RIOK3: variants seen among roughly 807,000 people sequenced by gnomAD.
RIOK3 encodes the protein RIO kinase 3.
RIOK3 carries 40 observed loss-of-function variants against 63.5 expected under a neutral mutation model. The ratio of observed to expected loss-of-function variants is 0.63; its 90% confidence interval spans 0.49 to 0.82. The LOEUF (loss-of-function observed/expected upper bound fraction) is 0.82. RIOK3 is among the 40% of genes least tolerant of loss of function. The probability of loss-of-function intolerance (pLI) is 0.00; values close to 1 mark genes in which losing one functional copy is unlikely to be tolerated. For synonymous variants in RIOK3, 193 were observed against 205.0 expected, an observed-to-expected ratio of 0.94 and a Z score of 0.50; for missense variants, 557 against 637.0, an observed-to-expected ratio of 0.87 and a Z score of 1.35.
intron 1 of RIOK3, among the ~76,000 whole-genome samples, chr18:23,455,864 C>T (rs894510033): frequency 6.6e-5 from 10 of 152,194 alleles, no homozygotes; most frequent in Admixed American, 3.3e-4. Context: ...GTGGCATGAT[C>T]TCAGCTCACT....
chr18:23,482,386 TG>T lies in RIOK3; in HGVS notation c.*1108del, dbSNP rs1396645660. On this transcript the variant is annotated 3_prime_UTR_variant, in exon 13 of 13. Coordinates refer to ENST00000339486, the MANE Select transcript of RIOK3 (RefSeq NM_003831.5). ...TTAGCCGGGTGTGGTGGCACTTCTCTGTAATCTCAGCTTCTCAGGAGGCTGA... is the reference window on the plus strand; with the variant it reads ...TTAGCCGGGTGTGGTGGCACTTCTCTTAATCTCAGCTTCTCAGGAGGCTGA... 3.9e-5 allele frequency: 6 copies of T among 152,260 alleles called. No individual in the cohort carries two copies. Among genetic ancestry groups the T allele is most frequent in the Non-Finnish European group, 5.9e-5 (4 of 68,130 alleles). The allele number at this position is 152,260 out of a possible 1,614,324, so 9.4% of individuals were successfully genotyped here.
At chr18:23,467,332 A>G in intron 6 of RIOK3, 67 bp from the exon 7 acceptor site, 1 of 1,501,260 alleles carries the variant, frequency 6.7e-7, no homozygotes, top group Non-Finnish European at 9.1e-7. Flanking sequence ...AAAAGTTATT[A>G]GAAGTGGCTC....
chr18:23,468,074 G>A (rs1055266172), intron 7 of RIOK3, among the ~76,000 whole-genome samples: 3 of 152,062 alleles, frequency 2.0e-5, no homozygotes, highest in East Asian at 1.9e-4. Flanking sequence ...CACTGCTTCC[G>A]GGCTTCCTCA....
chr18:23,476,859 C>T (rs777495769), intron 9 of RIOK3, 147 bp from the exon 10 acceptor site: 22 of 600,770 alleles, frequency 3.7e-5, no homozygotes, highest in Non-Finnish European at 5.8e-5. Flanking sequence ...TTGCAGTGAG[C>T]TGAGATCACA....
Position 23,479,229 on chromosome 18 carries a change from CTT to C in RIOK3, c.1345-84_1345-83del. The C allele has an allele frequency of 5.0e-6, 4 of 797,864 alleles. No individual in the cohort carries two copies. In the South Asian group the frequency reaches 5.8e-5, roughly 12 times the overall value. The allele number at this position is 797,864 out of a possible 1,614,324, so 49.4% of individuals were successfully genotyped here. A position where few individuals can be genotyped will look rare whatever the true frequency, so the allele number is the denominator to read the frequency against. ...TGTGCACACGTGCATGCATCCAAGT[CTT>C]TTTATAAATGTGCTGCTCCCTGTTT... On this transcript the variant is annotated intron_variant, in intron 11 of 12. Transcript: ENST00000339486.
At position 23,453,324 on chromosome 18, in the gene RIOK3, C is replaced by T. The variant is rs1043677203; in HGVS notation, c.-116C>T. The T allele has an allele frequency of 2.4e-6, 2 of 848,482 alleles. No homozygotes were observed. The highest frequency in any genetic ancestry group is 1.4e-5 in the South Asian group (1 of 72,192). 52.6% of individuals were successfully genotyped at this position (848,482 alleles called of 1,614,324 possible). On this transcript the variant is annotated 5_prime_UTR_variant, in exon 1 of 13. Transcript: ENST00000339486. ...GGCCGCCGCCGTCGCCGCCATCTGT[C>T]ACCTCCACTCCGGCATCAGCAGCCA...
chr18:23,465,823 C>G (rs922792723), intron 5 of RIOK3, among the ~76,000 whole-genome samples: 1 of 152,182 alleles, frequency 6.6e-6, no homozygotes, highest in South Asian at 2.1e-4. Flanking sequence ...GTAGCCTTCA[C>G]AGTTCAATAT....
intron 8 of RIOK3, among the ~76,000 whole-genome samples, chr18:23,474,745 G>A: frequency 6.6e-6 from 1 of 152,270 alleles, no homozygotes; most frequent in East Asian, 1.9e-4. Flanking sequence ...GTGCGTAATT[G>A]TAATTGTCTC....
chr18:23,474,043 C>T (rs1335369656), intron 8 of RIOK3, among the ~76,000 whole-genome samples: 1 of 152,104 alleles, frequency 6.6e-6, no homozygotes, highest in Non-Finnish European at 1.5e-5. Context: ...TCTGAATTTT[C>T]TAAGCAATTT....
At chr18:23,479,474 T>C (rs767167466) in intron 12 of RIOK3, 50 bp downstream of exon 12, 16 of 1,069,528 alleles carry the variant, frequency 1.5e-5, no homozygotes, top group Non-Finnish European at 1.6e-5. Flanking sequence ...CAGAACTGCA[T>C]AGAGGAGATA....
intron 8 of RIOK3, among the ~76,000 whole-genome samples, chr18:23,474,688 A>G (rs1430316091): frequency 6.6e-6 from 1 of 152,120 alleles, no homozygotes; most frequent in Non-Finnish European, 1.5e-5. Flanking sequence ...CTAATAAGCC[A>G]TCCTTGGTGC....
At chr18:23,463,720 T>C (rs1013475181) in intron 2 of RIOK3, among the ~76,000 whole-genome samples, 2 of 152,172 alleles carry the variant, frequency 1.3e-5, no homozygotes, top group Non-Finnish European at 2.9e-5. Flanking sequence ...CATACTTTCA[T>C]TCAGAACAAA....
rs1001261897 is a variant in RIOK3, at chr18:23,453,364, G to C, written c.-76G>C. On this transcript the variant is annotated 5_prime_UTR_variant, in exon 1 of 13. Coordinates refer to ENST00000339486, the MANE Select transcript of RIOK3 (RefSeq NM_003831.5). ...ATCAGCAGCCAGTCGCCCGTGTCCCGCCTGTCTCCTCGGCGGAGCCTGCTG... is the reference window on the plus strand; with the variant it reads ...ATCAGCAGCCAGTCGCCCGTGTCCCCCCTGTCTCCTCGGCGGAGCCTGCTG... 4.0e-6 allele frequency: 5 copies of C among 1,243,050 alleles called. No homozygotes were observed. Among genetic ancestry groups the C allele is most frequent in the Non-Finnish European group, 3.5e-6 (3 of 847,082 alleles). The allele number at this position is 1,243,050 out of a possible 1,614,324, so 77.0% of individuals were successfully genotyped here.
At chr18:23,476,056 GGATTACTGGTGT>G (rs2057488732) in intron 9 of RIOK3, among the ~76,000 whole-genome samples, 1 of 151,024 alleles carries the variant, frequency 6.6e-6, no homozygotes, top group African/African-American at 2.4e-5. Context: ...CAAAGTGCTG[GGATTACTGGTGT>G]GAGCCACCAC....
intron 1 of RIOK3, among the ~76,000 whole-genome samples, chr18:23,458,379 A>C (rs1454479161): frequency 6.6e-6 from 1 of 152,152 alleles, no homozygotes; most frequent in East Asian, 1.9e-4. Context: ...GAAGAACCCC[A>C]AGGAACAGAG....
intron 2 of RIOK3, 63 bp downstream of exon 2, chr18:23,463,142 T>A: frequency 1.9e-6 from 2 of 1,031,422 alleles, no homozygotes; most frequent in African/African-American, 1.6e-5. Context: ...ATTTGATGAG[T>A]AATTGTCATG....
intron 5 of RIOK3, 60 bp downstream of exon 5, chr18:23,464,688 A>G (rs1455297717): frequency 1.0e-6 from 1 of 979,212 alleles, no homozygotes; most frequent in African/African-American, 1.7e-5. Flanking sequence ...CCTTTCAAAA[A>G]CAGGATTCTA....
At chr18:23,456,814 T>A (rs548852601) in intron 1 of RIOK3, among the ~76,000 whole-genome samples, 4 of 152,370 alleles carry the variant, frequency 2.6e-5, no homozygotes, top group Admixed American at 2.0e-4. Flanking sequence ...TCATTCAACC[T>A]GTTGTAAGGT....
At chr18:23,476,309 T>C (rs545274694) in intron 9 of RIOK3, among the ~76,000 whole-genome samples, 1 of 152,338 alleles carries the variant, frequency 6.6e-6, no homozygotes, top group African/African-American at 2.4e-5. Flanking sequence ...CCCTCTGTGT[T>C]TTAATTGAAC....
Sources: allele counts gnomAD v4.1 joint callset (sites outside exome capture counted in the v4.1 genomes callset), GRCh38; gene constraint gnomAD v4.1.1; transcripts MANE v1.5; gene names NCBI Gene and HGNC (gene_info 2026-07-23, HGNC 2026-07-21).